AZU1: variants seen among roughly 807,000 people sequenced by gnomAD.
AZU1 encodes azurocidin.
Under a neutral mutation model 17.8 loss-of-function variants are expected in AZU1, and 21 were observed. That is an observed-to-expected ratio of 1.18 (90% CI 0.84 to 1.70). The LOEUF (loss-of-function observed/expected upper bound fraction) is 1.70, where lower values mean the gene tolerates loss of function less well. Among genes scored for constraint, AZU1 ranks in the 40% most tolerant of loss-of-function variants. AZU1 has a pLI of 0.00. For missense variants in AZU1, 379 were observed against 362.9 expected, an observed-to-expected ratio of 1.04 and a Z score of -0.36; for synonymous variants, 178 against 155.2, an observed-to-expected ratio of 1.15 and a Z score of -1.09.
chr19:830,225 A>G (rs1346603476), intron 3 of AZU1, among the ~76,000 whole-genome samples: 1 of 152,066 alleles, frequency 6.6e-6, no homozygotes, highest in Non-Finnish European at 1.5e-5. Context: ...GCGCCCCTGC[A>G]CTCCAGCCTG....
rs770160494 is a variant in AZU1 at position 831,882 on chromosome 19, G to A, written c.*5G>A. 33 of 1,609,582 alleles carry A rather than the reference G, an allele frequency of 2.1e-5. No individual in the cohort carries two copies. In the South Asian group the frequency reaches 2.6e-4, roughly 13 times the overall value. On this transcript the variant is annotated 3_prime_UTR_variant, in exon 5 of 5. Transcript: ENST00000233997. ...CCGGGACCGGGGCCAGCCTAGGGGG[G>A]CCTGTGACCTCCCATGGAGCCCAGC...
Position 827,878 on chromosome 19 carries a change from C to T in AZU1, c.32C>T (p.Ala11Val). The T allele has an allele frequency of 1.3e-6, 2 of 1,537,284 alleles. No homozygotes were observed. Among genetic ancestry groups the T allele is most frequent in the South Asian group, 1.2e-5 (1 of 84,128 alleles). Residue 11 changes from alanine (A) to valine (V), a missense_variant, in exon 1 of 5, where the codon GCT becomes GTT. Ala to Val is a moderately conservative substitution (Grantham distance 64). Transcript: ENST00000233997. ...CGGCTGACAGTCCTGGCCCTGCTGG[C>T]TGGTCTGCTGGCGTCCTCGAGGGCC... Reference protein sequence around the residue: MTRLTVLALLAGLLASSRAGS... With the variant: MTRLTVLALLVGLLASSRAGS...
intron 4 of AZU1, 56 bp from the exon 5 acceptor site, chr19:831,660 G>A: frequency 6.6e-7 from 1 of 1,508,016 alleles, no homozygotes; most frequent in Non-Finnish European, 8.9e-7. Flanking sequence ...CTGCAGTTCT[G>A]GGGTGGCGTG....
intron 2 of AZU1, among the ~76,000 whole-genome samples, chr19:829,318 GAGGAGGGGGCGCAGAGAAGAGAAGGGGC>G (rs1320708514): frequency 1.4e-4 from 21 of 148,970 alleles, no homozygotes; most frequent in Middle Eastern, 3.6e-3. Flanking sequence ...GACTCAGATG[GAGGAGGGGGCGCAGAGAAGAGAAGGGGC>G]TCAGATGGAG....
At chr19:830,639 G>A in intron 3 of AZU1, 69 bp from the exon 4 acceptor site, 1 of 1,304,768 alleles carries the variant, frequency 7.7e-7, no homozygotes, top group Non-Finnish European at 1.0e-6. Flanking sequence ...TGACACTTCT[G>A]CTCCCAGGGG....
In AZU1 at chr19:831,936, A is replaced by ACCCACCTCCCACGGCCCCGCC; in HGVS notation, c.*62_*82dup. ...GCCCTCCACACCTCCGGCGCTCCGC[A>ACCCACCTCCCACGGCCCCGCC]CCCACCTCCCACGGCCCCGCCCCTG... On this transcript the variant is annotated 3_prime_UTR_variant, in exon 5 of 5. Coordinates refer to ENST00000233997, the MANE Select transcript of AZU1 (RefSeq NM_001700.5). The ACCCACCTCCCACGGCCCCGCC allele has an allele frequency of 4.5e-6, 7 of 1,550,452 alleles. No homozygotes were observed. The highest frequency in any genetic ancestry group is 6.1e-6 in the Non-Finnish European group (7 of 1,141,680).
chr19:828,138 T>G (rs757763528), intron 1 of AZU1, 92 bp from the exon 2 acceptor site: 40 of 1,448,074 alleles, frequency 2.8e-5, no homozygotes, highest in Non-Finnish European at 3.6e-5. Context: ...GCAGCCCCAC[T>G]GGGTGGATAG....
Position 827,893 on chromosome 19 carries a change from C to G in AZU1, c.47C>G (p.Ser16Cys). Residue 16 changes from serine (S) to cysteine (C), a missense_variant, in exon 1 of 5, where the codon TCC becomes TGC. By Grantham distance (112) the Ser-to-Cys change is moderately radical. Transcript: ENST00000233997. ...GCCCTGCTGGCTGGTCTGCTGGCGT[C>G]CTCGAGGGCCGGTGAGTGCCTCTCT... The part of the protein sequence containing the change: ...VLALLAGLLA[S>C]SRAGSSPLLD... The G allele has an allele frequency of 6.5e-7, 1 of 1,537,276 alleles. No homozygotes were observed.
rs759276200 is a variant in AZU1 at position 831,728 on chromosome 19, AC to A, written c.613del (p.Leu205SerfsTer?). On this transcript the variant is annotated frameshift_variant, in exon 5 of 5. Transcript: ENST00000233997. LOFTEE classifies it low-confidence loss of function (END_TRUNC). Reference sequence around the variant, plus strand: ...GCTGCCTGCCCAGGGGGACGGGGGCACCCCCCTCGTCTGCGAGGGCCTGGCC... The same window carrying A: ...GCTGCCTGCCCAGGGGGACGGGGGCACCCCCTCGTCTGCGAGGGCCTGGCC... ...RGGICNGDGG[T>X]PLVCEGLAHG... is the part of the protein sequence containing the mutation. 5 of 1,606,066 alleles carry A rather than the reference AC, an allele frequency of 3.1e-6. No homozygotes were observed. Among genetic ancestry groups the A allele is most frequent in the Admixed American group, 1.7e-5 (1 of 59,094 alleles).
intron 2 of AZU1, among the ~76,000 whole-genome samples, chr19:829,352 TGG>T (rs2035257499): frequency 1.6e-4 from 17 of 103,236 alleles, no homozygotes; most frequent in Middle Eastern, 7.2e-3. Context: ...GGGGCTCAGA[TGG>T]AGGAGGAGGC....
At chr19:830,077 T>A (rs2035269453) in intron 3 of AZU1, among the ~76,000 whole-genome samples, 1 of 151,688 alleles carries the variant, frequency 6.6e-6, no homozygotes, top group Non-Finnish European at 1.5e-5. Flanking sequence ...CTGGCCAACA[T>A]GGTGAAACCC....
At position 830,939 on chromosome 19, in the gene AZU1, A is replaced by G; in HGVS notation, c.592A>G (p.Asn198Asp). Residue 198 changes from asparagine to aspartate, a missense_variant and splice_region_variant, in exon 4 of 5, where the codon AAT becomes GAT. Transcript: ENST00000233997. The part of the protein sequence containing the change: ...GVLTRRGGIC[N>D]GDGGTPLVCE... ...GCTCACCCGCCGCGGTGGCATCTGC[A>G]ATGTGAGTGCTCCCTGTGGCGGGAG... 6.2e-7 allele frequency: 1 copy of G among 1,600,530 alleles called. No homozygotes were observed. The highest frequency in any genetic ancestry group is 8.5e-7 in the Non-Finnish European group (1 of 1,179,634).
rs749776715 is a variant in AZU1 at position 830,782 on chromosome 19, CG to C, written c.437del (p.Gly146AlafsTer27). ...LPLQNATVEA[G>X]TRCQVAGWGS... ...CTCTGCAGAACGCCACGGTGGAAGC[CG>C]GCACCAGATGCCAGGTGGCCGGCTG... On this transcript the variant is annotated frameshift_variant, in exon 4 of 5. Transcript: ENST00000233997. LOFTEE classifies it high-confidence loss of function. 2.5e-6 allele frequency: 4 copies of C among 1,605,374 alleles called. No individual in the cohort carries two copies. The highest frequency in any genetic ancestry group is 2.5e-6 in the Non-Finnish European group (3 of 1,179,800).
chr19:829,665 T>C lies in AZU1; in HGVS notation c.319T>C (p.Tyr107His). ...CATCAGCAGCATGAGCGAGAATGGC[T>C]ACGACCCCCAGCAGAACCTGAACGA... Reference protein sequence around the residue: ...FSISSMSENGYDPQQNLNDLM... With the variant: ...FSISSMSENGHDPQQNLNDLM... Residue 107 changes from tyrosine to histidine, a missense_variant, in exon 3 of 5, where the codon TAC becomes CAC. By Grantham distance (83) the Tyr-to-His change is moderately conservative. Transcript: ENST00000233997. 6.2e-7 allele frequency: 1 copy of C among 1,613,404 alleles called. No individual in the cohort carries two copies. The highest frequency in any genetic ancestry group is 8.5e-7 in the Non-Finnish European group (1 of 1,179,948).
At position 829,598 on chromosome 19, in the gene AZU1, T is replaced by C; in HGVS notation, c.252T>C (p.Tyr84=). The part of the protein sequence containing the change: ...PGVSTVVLGA[Y]DLRRRERQSR... Reference sequence around the variant, plus strand: ...TTAGCACCGTGGTGCTGGGTGCCTATGACCTGAGGCGGCGGGAGAGGCAGT... The same window carrying C: ...TTAGCACCGTGGTGCTGGGTGCCTACGACCTGAGGCGGCGGGAGAGGCAGT... The change falls in exon 3 of 5, where the codon TAT becomes TAC. Residue 84 remains tyrosine (Y), a synonymous_variant. Coordinates refer to ENST00000233997, the MANE Select transcript of AZU1 (RefSeq NM_001700.5). 3 of 1,613,346 alleles carry C rather than the reference T, an allele frequency of 1.9e-6. No individual in the cohort carries two copies. The highest frequency in any genetic ancestry group is 2.5e-6 in the Non-Finnish European group (3 of 1,179,954).
At position 827,853 on chromosome 19, in the gene AZU1, C is replaced by T. The variant is rs1007846453; in HGVS notation, c.7C>T (p.Arg3Trp). 27 of 1,536,518 alleles carry T rather than the reference C, an allele frequency of 1.8e-5. No individual in the cohort carries two copies. Among genetic ancestry groups the T allele is most frequent in the East Asian group, 4.9e-5 (2 of 40,978 alleles). Reference protein sequence around the residue: MTRLTVLALLAGL... With the variant: MTWLTVLALLAGL... ...GCCACAGACCTGCCCCGCCATGACC[C>T]GGCTGACAGTCCTGGCCCTGCTGGC... Residue 3 changes from arginine to tryptophan, a missense_variant, in exon 1 of 5, where the codon CGG (arginine) becomes TGG (tryptophan). Physicochemically the swap from Arg to Trp is moderately radical, Grantham distance 101. Transcript: ENST00000233997.
chr19:830,988 C>A (rs778716358), intron 4 of AZU1, 47 bp downstream of exon 4: 3 of 1,560,656 alleles, frequency 1.9e-6, no homozygotes, highest in Non-Finnish European at 1.7e-6. Flanking sequence ...AGGTACTGAG[C>A]TCTCCGTGGC....
At chr19:828,157 C>G in intron 1 of AZU1, 73 bp from the exon 2 acceptor site, 1 of 1,495,364 alleles carries the variant, frequency 6.7e-7, no homozygotes, top group Non-Finnish European at 9.0e-7. Flanking sequence ...AGAGCTGAGG[C>G]TGCAGCTTCA....
Position 829,694 on chromosome 19 carries a change from G to C in AZU1, c.348G>C (p.Leu116=), listed in dbSNP as rs942179595. Residue 116 remains leucine, a synonymous_variant, in exon 3 of 5, where the codon CTG becomes CTC. Coordinates refer to ENST00000233997, the MANE Select transcript of AZU1 (RefSeq NM_001700.5). ...GYDPQQNLND[L]MLLQLDREAN... is the part of the protein sequence containing the mutation. ...ACCCCCAGCAGAACCTGAACGACCT[G>C]ATGCTGCTTCAGGTGAGAGGATGGT... 8 of 1,613,178 alleles carry C rather than the reference G, an allele frequency of 5.0e-6. No individual in the cohort carries two copies. Among genetic ancestry groups the C allele is most frequent in the Non-Finnish European group, 6.8e-6 (8 of 1,179,926 alleles).
Sources: gnomAD v4.1 joint callset for allele counts (sites outside exome capture counted in the v4.1 genomes callset) on GRCh38, gnomAD v4.1.1 for gene constraint, MANE v1.5 for transcripts, NCBI Gene and HGNC (gene_info 2026-07-23, HGNC 2026-07-21) for gene names.